IDH3A: variants seen among roughly 807,000 people sequenced by gnomAD.
The protein encoded by IDH3A is isocitrate dehydrogenase [NAD] subunit alpha, mitochondrial.
Under a neutral mutation model 43.3 loss-of-function variants are expected in IDH3A, and 23 were observed. The observed-to-expected ratio is 0.53, with a 90% CI of 0.38 to 0.75. The LOEUF is 0.75. Among genes scored for constraint, IDH3A ranks in the 30% least tolerant of loss-of-function variants. The probability of loss-of-function intolerance (pLI) is 0.00; values close to 1 mark genes in which losing one functional copy is unlikely to be tolerated. For missense variants in IDH3A, 329 were observed against 474.4 expected, an observed-to-expected ratio of 0.69 and a Z score of 2.85; for synonymous variants, 154 against 163.5, an observed-to-expected ratio of 0.94 and a Z score of 0.44.
At chr15:78,158,879 C>T (rs753429869) in intron 3 of IDH3A, among the ~76,000 whole-genome samples, 98 of 152,054 alleles carry the variant, frequency 6.4e-4, no homozygotes, top group Non-Finnish European at 1.2e-3. Context: ...GTTGCACAGG[C>T]TGGAGTGCAA....
In IDH3A at chr15:78,161,723, C is replaced by G. The variant is rs768097810; in HGVS notation, c.432C>G (p.Thr144=). Residue 144 remains threonine (T), a synonymous_variant, in exon 5 of 11, where the codon ACC becomes ACG. Transcript: ENST00000299518. The surrounding 1 kb of genome is among the most constrained non-coding windows in gnomAD (Gnocchi z 4.8). Reference sequence around the variant, plus strand: ...CTTACACCGATGTAAATATTGTGACCATTCGAGAGAACACAGAAGGAGAAT... The same window carrying G: ...CTTACACCGATGTAAATATTGTGACGATTCGAGAGAACACAGAAGGAGAAT... ...KTPYTDVNIV[T]IRENTEGEYS... is the part of the protein sequence containing the mutation. The G allele has an allele frequency of 2.5e-6, 4 of 1,614,012 alleles. No individual in the cohort carries two copies. Among genetic ancestry groups the G allele is most frequent in the Non-Finnish European group, 3.4e-6 (4 of 1,180,004 alleles).
Position 78,168,950 on chromosome 15 carries a change from CA to C in IDH3A, c.1050del (p.Lys350AsnfsTer13). 1 of 1,603,296 alleles carries C rather than the reference CA, an allele frequency of 6.2e-7. No individual in the cohort carries two copies. Among genetic ancestry groups the C allele is most frequent in the Non-Finnish European group, 8.5e-7 (1 of 1,171,248 alleles). On this transcript the variant is annotated frameshift_variant, in exon 11 of 11. Transcript: ENST00000299518. LOFTEE classifies it high-confidence loss of function. The part of the protein sequence containing the change: ...KSLTKDLGGN[A>X]KCSDFTEEIC... ...TTGACAAAAGATTTGGGAGGCAATG[CA>C]AAATGCTCAGACTTCACAGAGGAAA...
intron 10 of IDH3A, among the ~76,000 whole-genome samples, chr15:78,166,787 A>G (rs1213043065): frequency 6.6e-6 from 1 of 152,082 alleles, no homozygotes; most frequent in Non-Finnish European, 1.5e-5. Context: ...GTGTGCCACC[A>G]CACCCAGCTA....
At chr15:78,157,096 G>A in intron 2 of IDH3A, 1 of 1,156,130 alleles carries the variant, frequency 8.6e-7, no homozygotes, top group East Asian at 6.4e-5. Flanking sequence ...TGCATGAGAA[G>A]CTTTCCAGGA....
rs753303647 is a variant in IDH3A at position 78,171,401 on chromosome 15, C to T, written c.*2396C>T. ...CTGGGGCTCAGGAAGAGGCTCGGAA[C>T]GCCTGCCCTCTATTCTATAGAAACT... On this transcript the variant is annotated 3_prime_UTR_variant, in exon 11 of 11. Transcript: ENST00000299518. 3.0e-5 allele frequency: 46 copies of T among 1,541,020 alleles called. No homozygotes were observed. In the Admixed American group the frequency reaches 3.4e-4, roughly 11 times the overall value.
At position 78,161,812 on chromosome 15, in the gene IDH3A, TTC is replaced by T; in HGVS notation, c.477+46_477+47del. On this transcript the variant is annotated intron_variant, in intron 5 of 10. Coordinates refer to ENST00000299518, the MANE Select transcript of IDH3A (RefSeq NM_005530.3). This position sits in a 1 kb window ranked among gnomAD's most constrained non-coding sequence, Gnocchi z 4.8. ...CTTTTTTATTCCTGCTTGGACTGCTTTCTGTGCATCTGGGACCCCAGAGACAG... is the reference window on the plus strand; with the variant it reads ...CTTTTTTATTCCTGCTTGGACTGCTTTGTGCATCTGGGACCCCAGAGACAG... 5 of 1,539,134 alleles carry T rather than the reference TTC, an allele frequency of 3.2e-6. No individual in the cohort carries two copies. Among genetic ancestry groups the T allele is most frequent in the Non-Finnish European group, 4.5e-6 (5 of 1,114,542 alleles).
intron 1 of IDH3A, chr15:78,151,551 G>T (rs1001724307): frequency 6.8e-6 from 1 of 147,946 alleles, no homozygotes; most frequent in Non-Finnish European, 1.5e-5. Flanking sequence ...CTGGGTAACA[G>T]CAAGACTCTG....
chr15:78,164,682 T>C (rs1460888765), intron 8 of IDH3A, among the ~76,000 whole-genome samples: 1 of 152,232 alleles, frequency 6.6e-6, no homozygotes, highest in Non-Finnish European at 1.5e-5. Flanking sequence ...TATTCAGTGA[T>C]ATATCCATCA....
intron 1 of IDH3A, among the ~76,000 whole-genome samples, chr15:78,149,785 C>T (rs997024190): frequency 3.9e-5 from 6 of 152,240 alleles, no homozygotes; most frequent in African/African-American, 1.4e-4. Flanking sequence ...AGCCTCTGTC[C>T]CGGCTCCGCC....
intron 1 of IDH3A, among the ~76,000 whole-genome samples, chr15:78,153,283 C>T (rs148119377): frequency 1.3e-5 from 2 of 152,326 alleles, no homozygotes; most frequent in Admixed American, 6.5e-5. Flanking sequence ...TTTGTAGAGA[C>T]AGGGTCTCAC....
In IDH3A at chr15:78,166,283, C is replaced by T; in HGVS notation, c.998C>T (p.Ala333Val). Reference protein sequence around the residue: ...HAARIEAACFATIKDGKSLTK... With the variant: ...HAARIEAACFVTIKDGKSLTK... Reference sequence around the variant, plus strand: ...GCAAGAATTGAGGCTGCGTGTTTTGCTACAATTAAGGACGGAAAGGTAACA... The same window carrying T: ...GCAAGAATTGAGGCTGCGTGTTTTGTTACAATTAAGGACGGAAAGGTAACA... Residue 333 changes from alanine (A) to valine (V), a missense_variant, in exon 10 of 11, where the codon GCT becomes GTT. This residue lies in a region of IDH3A where 91 missense variants were observed against 111.6 expected (regional missense o/e 0.82). Transcript: ENST00000299518. 1 of 1,614,116 alleles carries T rather than the reference C, an allele frequency of 6.2e-7. No homozygotes were observed. The highest frequency in any genetic ancestry group is 1.1e-5 in the South Asian group (1 of 91,072).
rs2074790298 is a variant in IDH3A at position 78,169,275 on chromosome 15, T to C, written c.*270T>C. ...TAAACTCTGAGTGGACTGTATCATTTGCTATTCTAAACCATTTTACACTTA... is the reference window on the plus strand; with the variant it reads ...TAAACTCTGAGTGGACTGTATCATTCGCTATTCTAAACCATTTTACACTTA... On this transcript the variant is annotated 3_prime_UTR_variant, in exon 11 of 11. Coordinates refer to ENST00000299518, the MANE Select transcript of IDH3A (RefSeq NM_005530.3). 3.7e-6 allele frequency: 1 copy of C among 272,382 alleles called. No homozygotes were observed. Among genetic ancestry groups the C allele is most frequent in the Non-Finnish European group, 6.8e-6 (1 of 146,320 alleles). 16.9% of individuals were successfully genotyped at this position (272,382 alleles called of 1,614,324 possible). A position where few individuals can be genotyped will look rare whatever the true frequency, so the allele number is the denominator to read the frequency against.
intron 1 of IDH3A, among the ~76,000 whole-genome samples, chr15:78,154,131 A>C (rs552954738): frequency 6.6e-6 from 1 of 152,074 alleles, no homozygotes; most frequent in South Asian, 2.1e-4. Flanking sequence ...AAGTTATTAA[A>C]GTTTATAATA....
intron 1 of IDH3A, among the ~76,000 whole-genome samples, chr15:78,153,572 A>G (rs967513544): frequency 1.3e-5 from 2 of 152,256 alleles, no homozygotes; most frequent in African/African-American, 2.4e-5. Flanking sequence ...CCAGAAGATT[A>G]GAGAATAAAA....
intron 1 of IDH3A, 139 bp from the exon 2 acceptor site, chr15:78,155,074 T>G (rs2074612952): frequency 3.3e-4 from 171 of 514,036 alleles, no homozygotes; most frequent in East Asian, 5.6e-4. Context: ...AGCTAATACA[T>G]GAGATTTGTA....
At chr15:78,165,798 C>A (rs1310207937) in intron 9 of IDH3A, among the ~76,000 whole-genome samples, 1 of 152,102 alleles carries the variant, frequency 6.6e-6, no homozygotes, top group Admixed American at 6.6e-5. Context: ...AAGCAATCCT[C>A]CTGCCTCAGC....
At position 78,162,332 on chromosome 15, in the gene IDH3A, G is replaced by A. The variant is rs2074689834; in HGVS notation, c.576G>A (p.Arg192=). Residue 192 remains arginine (R), a synonymous_variant, in exon 6 of 11, where the codon CGG becomes CGA. Coordinates refer to ENST00000299518, the MANE Select transcript of IDH3A (RefSeq NM_005530.3). ...FAFEYARNNH[R]SNVTAVHKAN... ...TTGAGTATGCCCGGAACAACCACCG[G>A]AGCAACGTCACGGCGGTGCACAAAG... 6.2e-7 allele frequency: 1 copy of A among 1,614,108 alleles called. No individual in the cohort carries two copies. Among genetic ancestry groups the A allele is most frequent in the East Asian group, 2.2e-5 (1 of 44,878 alleles).
Position 78,171,396 on chromosome 15 carries a change from C to T in IDH3A, c.*2391C>T, listed in dbSNP as rs941896452. The T allele has an allele frequency of 1.1e-5, 16 of 1,522,890 alleles. No homozygotes were observed. The highest frequency in any genetic ancestry group is 1.4e-5 in the Non-Finnish European group (15 of 1,101,802). The allele number at this position is 1,522,890 out of a possible 1,614,324, so 94.3% of individuals were successfully genotyped here. A position where few individuals can be genotyped will look rare whatever the true frequency, so the allele number is the denominator to read the frequency against. On this transcript the variant is annotated 3_prime_UTR_variant, in exon 11 of 11. Coordinates refer to ENST00000299518, the MANE Select transcript of IDH3A (RefSeq NM_005530.3). ...GAGACCTGGGGCTCAGGAAGAGGCT[C>T]GGAACGCCTGCCCTCTATTCTATAG...
intron 1 of IDH3A, among the ~76,000 whole-genome samples, chr15:78,151,910 A>AT (rs1018384345): frequency 2.9e-4 from 44 of 152,026 alleles, no homozygotes; most frequent in African/African-American, 1.1e-3. Flanking sequence ...AACATTTAAA[A>AT]TTTTTTTTGT....
Sources: gnomAD v4.1 joint callset for allele counts (sites outside exome capture counted in the v4.1 genomes callset) on GRCh38, gnomAD v4.1.1 for gene constraint, gnomAD v4.1.1 regional missense constraint, Gnocchi (gnomAD v3.1) non-coding constraint, MANE v1.5 for transcripts, NCBI Gene and HGNC (gene_info 2026-07-23, HGNC 2026-07-21) for gene names.